Variants in SOX6 observed in about 807,000 individuals in gnomAD.
SOX6 encodes transcription factor SOX-6.
In SOX6, 11 loss-of-function variants were observed where a neutral mutation model predicts 97.8. The ratio of observed to expected loss-of-function variants is 0.11; its 90% CI spans 0.07 to 0.19. The LOEUF is 0.19. Among genes scored for constraint, SOX6 ranks in the 10% least tolerant of loss-of-function variants. The probability of loss-of-function intolerance (pLI) is 1.00; values close to 1 mark genes in which losing one functional copy is unlikely to be tolerated. For synonymous variants in SOX6, 360 were observed against 371.4 expected (o/e 0.97, Z 0.35); for missense variants, 810 against 1,039.5 (o/e 0.78, Z 3.04).
intron 3 of SOX6, among the ~76,000 whole-genome samples, chr11:16,307,481 A>C (rs1855477174): frequency 6.6e-6 from 1 of 152,182 alleles, no homozygotes; most frequent in South Asian, 2.1e-4. Flanking sequence ...AAAGAAAAAT[A>C]GTTCCAAAAC....
At chr11:16,383,863 C>T (rs1363956986) in intron 1 of SOX6, among the ~76,000 whole-genome samples, 2 of 151,780 alleles carry the variant, frequency 1.3e-5, no homozygotes. Context: ...GGCAAAAACA[C>T]TAATTACAGA....
chr11:16,120,218 T>TTCTC (rs751982083), intron 6 of SOX6, among the ~76,000 whole-genome samples: 3 of 133,868 alleles, frequency 2.2e-5, no homozygotes, highest in Non-Finnish European at 4.8e-5. Context: ...GCTCTCTCTC[T>TTCTC]TCTCTCTCTC....
At chr11:16,093,926 T>C (rs1314388517) in intron 9 of SOX6, among the ~76,000 whole-genome samples, 1 of 151,924 alleles carries the variant, frequency 6.6e-6, no homozygotes, top group African/African-American at 2.4e-5. Context: ...GCTATACTCA[T>C]ACTAGGAAAG....
intron 10 of SOX6, among the ~76,000 whole-genome samples, chr11:16,051,262 C>G (rs766764604): frequency 6.6e-6 from 1 of 152,066 alleles, no homozygotes; most frequent in Admixed American, 6.6e-5. Context: ...ATGAGCCTGG[C>G]CAGTATTATT....
At chr11:16,667,866 A>C (rs559101424) in intron 3 of SOX6, among the ~76,000 whole-genome samples, 2 of 152,230 alleles carry the variant, frequency 1.3e-5, no homozygotes. Flanking sequence ...ACCAAAAGTA[A>C]TAACTACAAC....
chr11:16,586,014 G>C (rs936622955), intron 4 of SOX6, among the ~76,000 whole-genome samples: 6 of 152,048 alleles, frequency 3.9e-5, no homozygotes, highest in Non-Finnish European at 8.8e-5. Flanking sequence ...GACAAGGAAA[G>C]GTTCAAAGCT....
At chr11:16,096,620 G>T (rs1848802132) in intron 8 of SOX6, among the ~76,000 whole-genome samples, 1 of 151,784 alleles carries the variant, frequency 6.6e-6, no homozygotes, top group African/African-American at 2.4e-5. Flanking sequence ...CATTCAAAAT[G>T]ATGTTTTTTC....
intron 4 of SOX6, among the ~76,000 whole-genome samples, chr11:16,507,619 C>T (rs551161979): frequency 1.3e-5 from 2 of 152,254 alleles, no homozygotes; most frequent in African/African-American, 2.4e-5. Flanking sequence ...CACATATTTA[C>T]AGCCAACTGA....
At chr11:16,191,635 G>C (rs1851633171) in intron 4 of SOX6, among the ~76,000 whole-genome samples, 1 of 152,024 alleles carries the variant, frequency 6.6e-6, no homozygotes, top group South Asian at 2.1e-4. Flanking sequence ...TCTCTAAAAA[G>C]CACTGCCAGA....
chr11:16,108,518 G>T (rs150492015), intron 7 of SOX6, among the ~76,000 whole-genome samples: 316 of 152,130 alleles, frequency 2.1e-3, no homozygotes, highest in African/African-American at 7.3e-3. Flanking sequence ...CTCTTGATTG[G>T]TGCACCTCTC....
intron 4 of SOX6, among the ~76,000 whole-genome samples, chr11:16,519,320 T>C (rs531487417): frequency 6.6e-6 from 1 of 152,210 alleles, no homozygotes; most frequent in Admixed American, 6.5e-5. Context: ...TTGTACCCAA[T>C]GGGTAATTTT....
chr11:16,370,837 G>A (rs564782996), intron 1 of SOX6, among the ~76,000 whole-genome samples: 23 of 151,810 alleles, frequency 1.5e-4, no homozygotes, highest in Admixed American at 8.5e-4. Context: ...ACATATATTC[G>A]GAATATAACC....
chr11:16,228,686 G>T (rs1369493099), intron 4 of SOX6, among the ~76,000 whole-genome samples: 1 of 152,100 alleles, frequency 6.6e-6, no homozygotes, highest in Non-Finnish European at 1.5e-5. Context: ...ACAGAACAAG[G>T]TAACTATGTG....
At chr11:16,073,956 G>C (rs1848286253) in intron 9 of SOX6, among the ~76,000 whole-genome samples, 1 of 152,080 alleles carries the variant, frequency 6.6e-6, no homozygotes, top group Non-Finnish European at 1.5e-5. Flanking sequence ...TAAAAGCAGA[G>C]TTTATAGTGC....
chr11:16,095,050 G>A (rs1342017213), intron 9 of SOX6, among the ~76,000 whole-genome samples: 2 of 151,914 alleles, frequency 1.3e-5, no homozygotes, highest in African/African-American at 4.8e-5. Context: ...GCCATCAGAA[G>A]TTAAATGTAC....
At chr11:16,446,492 A>AGCCCCATGTGGG (rs753225524) in intron 1 of SOX6, among the ~76,000 whole-genome samples, 154 of 152,262 alleles carry the variant, frequency 1.0e-3, no homozygotes, top group Middle Eastern at 3.4e-3. Flanking sequence ...TTATTTAATT[A>AGCCCCATGTGGG]GCTTCATGGA....
At chr11:16,525,440 T>C (rs1315506057) in intron 4 of SOX6, among the ~76,000 whole-genome samples, 1 of 152,110 alleles carries the variant, frequency 6.6e-6, no homozygotes, top group Non-Finnish European at 1.5e-5. Flanking sequence ...TGTAGAAAGC[T>C]GAAATTGGAT....
chr11:16,122,865 T>A (rs765266512), intron 6 of SOX6, among the ~76,000 whole-genome samples: 3 of 152,102 alleles, frequency 2.0e-5, no homozygotes, highest in Non-Finnish European at 2.9e-5. Flanking sequence ...TTTTTTAATC[T>A]GCTGAATCAA....
chr11:15,984,000 A>G (rs1853748831), intron 15 of SOX6, among the ~76,000 whole-genome samples: 1 of 152,170 alleles, frequency 6.6e-6, no homozygotes, highest in Non-Finnish European at 1.5e-5. Flanking sequence ...TAGTAAAGAC[A>G]GTTCCTCAGT....
Sources: allele counts gnomAD v4.1 joint callset (sites outside exome capture counted in the v4.1 genomes callset), GRCh38; gene constraint gnomAD v4.1.1; transcripts MANE v1.5; gene names NCBI Gene and HGNC (gene_info 2026-07-23, HGNC 2026-07-21).